YAP1: variants seen among roughly 807,000 people sequenced by gnomAD.
YAP1 encodes the protein Yes1 associated transcriptional regulator.
A neutral mutation model predicts 56.9 loss-of-function variants in YAP1; 5 were observed. That is an observed-to-expected ratio of 0.09 (90% CI 0.05 to 0.18). YAP1 has a LOEUF of 0.18. Ranked by LOEUF, YAP1 falls within the 10% of genes least tolerant of loss-of-function variation. The probability of loss-of-function intolerance (pLI) is 1.00; values close to 1 mark genes in which losing one functional copy is unlikely to be tolerated. For missense variants in YAP1, 539 were observed against 651.8 expected, an observed-to-expected ratio of 0.83 and a Z score of 1.88; for synonymous variants, 265 against 248.1, an observed-to-expected ratio of 1.07 and a Z score of -0.64.
intron 2 of YAP1, among the ~76,000 whole-genome samples, chr11:102,155,282 A>G (rs1336780599): frequency 6.6e-6 from 1 of 152,222 alleles, no homozygotes; most frequent in Non-Finnish European, 1.5e-5. Context: ...ATATCATTTA[A>G]TGAGTAGTTA....
chr11:102,191,904 G>T (rs112112715), intron 4 of YAP1, among the ~76,000 whole-genome samples: 6,684 of 152,154 alleles, frequency 0.044, 181 homozygotes, highest in Non-Finnish European at 0.058. Context: ...AACCCCTGGG[G>T]CTCAAGCAGT....
At chr11:102,223,276 G>T (rs1052391879) in intron 6 of YAP1, among the ~76,000 whole-genome samples, 2 of 146,776 alleles carry the variant, frequency 1.4e-5, no homozygotes, top group Non-Finnish European at 3.0e-5. Context: ...AAAAAAAGAA[G>T]AATTTTTTTT....
At chr11:102,125,769 G>A (rs193214456) in intron 2 of YAP1, among the ~76,000 whole-genome samples, 89 of 152,128 alleles carry the variant, frequency 5.9e-4, no homozygotes, top group Non-Finnish European at 1.1e-3. Context: ...TATGGTTGTA[G>A]TAATATAATA....
At chr11:102,149,909 A>G (rs1945526617) in intron 2 of YAP1, among the ~76,000 whole-genome samples, 1 of 150,660 alleles carries the variant, frequency 6.6e-6, no homozygotes, top group South Asian at 2.1e-4. Context: ...GAAGAAATAT[A>G]GATTACTGGA....
chr11:102,185,905 A>G (rs563910534), intron 3 of YAP1, 113 bp from the exon 4 acceptor site: 107 of 1,071,768 alleles, frequency 1.0e-4, no homozygotes, highest in Middle Eastern at 6.5e-4. Flanking sequence ...ATATGTTTCA[A>G]TGAATTGTTT....
At chr11:102,178,413 C>T (rs1307929037) in intron 3 of YAP1, among the ~76,000 whole-genome samples, 2 of 152,098 alleles carry the variant, frequency 1.3e-5, no homozygotes, top group Admixed American at 6.5e-5. Flanking sequence ...TCCTCTAACT[C>T]GTGGTGTAGT....
At chr11:102,194,840 G>A (rs955702324) in intron 4 of YAP1, among the ~76,000 whole-genome samples, 2 of 152,118 alleles carry the variant, frequency 1.3e-5, no homozygotes, top group African/African-American at 4.8e-5. Context: ...GAAATAAAGT[G>A]TTATAATTGA....
intron 3 of YAP1, among the ~76,000 whole-genome samples, chr11:102,177,785 A>G (rs1947349675): frequency 6.6e-6 from 1 of 152,166 alleles, no homozygotes; most frequent in Non-Finnish European, 1.5e-5. Context: ...GAAGTGTCAA[A>G]TGTCCAGTTG....
intron 2 of YAP1, among the ~76,000 whole-genome samples, chr11:102,154,841 C>T (rs1439232017): frequency 1.3e-5 from 2 of 152,178 alleles, no homozygotes; most frequent in African/African-American, 4.8e-5. Flanking sequence ...CATAAATACG[C>T]AATGGATATG....
intron 6 of YAP1, among the ~76,000 whole-genome samples, chr11:102,221,100 T>A (rs1949906725): frequency 6.6e-6 from 1 of 152,150 alleles, no homozygotes; most frequent in Admixed American, 6.5e-5. Context: ...TCAGGTTAAG[T>A]GAATTGTCCA....
intron 2 of YAP1, among the ~76,000 whole-genome samples, chr11:102,134,412 T>C (rs1591179112): frequency 6.6e-6 from 1 of 151,234 alleles, no homozygotes; most frequent in African/African-American, 2.4e-5. Flanking sequence ...TTCTGCATAT[T>C]ATTCAGAGGT....
At chr11:102,151,914 A>C (rs760930066) in intron 2 of YAP1, among the ~76,000 whole-genome samples, 1 of 152,200 alleles carries the variant, frequency 6.6e-6, no homozygotes, top group African/African-American at 2.4e-5. Context: ...TTGGGCTACA[A>C]GGTTAAGAGG....
chr11:102,205,413 AT>A (rs1440919138), intron 4 of YAP1, among the ~76,000 whole-genome samples: 3 of 152,186 alleles, frequency 2.0e-5, no homozygotes, highest in Non-Finnish European at 4.4e-5. Context: ...GAAGTAATGA[AT>A]TTGCATCATT....
chr11:102,144,047 C>T (rs1945176458), intron 2 of YAP1, among the ~76,000 whole-genome samples: 1 of 152,224 alleles, frequency 6.6e-6, no homozygotes, highest in South Asian at 2.1e-4. Context: ...CCAGCATTGG[C>T]AGTCCAGCCT....
intron 2 of YAP1, among the ~76,000 whole-genome samples, chr11:102,128,870 G>A (rs1178371237): frequency 6.6e-6 from 1 of 151,938 alleles, no homozygotes; most frequent in Non-Finnish European, 1.5e-5. Flanking sequence ...TAAAAATTAG[G>A]GCTTTAAAGT....
At chr11:102,136,903 A>G (rs1450660030) in intron 2 of YAP1, among the ~76,000 whole-genome samples, 2 of 152,160 alleles carry the variant, frequency 1.3e-5, no homozygotes, top group African/African-American at 4.8e-5. Flanking sequence ...AAAACATTAG[A>G]ATATGTCTTG....
At chr11:102,132,767 C>T (rs1181228214) in intron 2 of YAP1, among the ~76,000 whole-genome samples, 2 of 152,212 alleles carry the variant, frequency 1.3e-5, no homozygotes, top group Non-Finnish European at 2.9e-5. Context: ...ACCGTTTACA[C>T]ACATTGGTTA....
At chr11:102,136,092 G>A (rs766275255) in intron 2 of YAP1, among the ~76,000 whole-genome samples, 3 of 152,080 alleles carry the variant, frequency 2.0e-5, no homozygotes, top group Non-Finnish European at 4.4e-5. Context: ...TGGGTCACAG[G>A]GTATGTCCAG....
intron 4 of YAP1, among the ~76,000 whole-genome samples, chr11:102,197,784 A>G (rs1251625107): frequency 6.6e-6 from 1 of 152,136 alleles, no homozygotes; most frequent in Non-Finnish European, 1.5e-5. Flanking sequence ...TGGGATTTCA[A>G]TAGTTGATAG....
Sources: allele counts gnomAD v4.1 joint callset (sites outside exome capture counted in the v4.1 genomes callset), GRCh38; gene constraint gnomAD v4.1.1; transcripts MANE v1.5; gene names NCBI Gene and HGNC (gene_info 2026-07-23, HGNC 2026-07-21).